The following ZFHX3 variants were observed in gnomAD, a reference collection of about 807,000 sequenced individuals.
ZFHX3 encodes the protein zinc finger homeobox protein 3.
In ZFHX3, 42 loss-of-function variants were observed where a neutral mutation model predicts 279.1. That is an observed-to-expected ratio of 0.15 (90% CI 0.12 to 0.19). ZFHX3 has a LOEUF of 0.19. Among genes scored for constraint, ZFHX3 ranks in the 10% least tolerant of loss-of-function variants. The pLI is 1.00. For synonymous variants in ZFHX3, 2,293 were observed against 1,957.8 expected, an observed-to-expected ratio of 1.17 and a Z score of -4.52; for missense variants, 4,981 against 4,754.0, an observed-to-expected ratio of 1.05 and a Z score of -1.40.
At chr16:73,119,400 C>T (rs12149399) in intron 7 of ZFHX3, among the ~76,000 whole-genome samples, 67,365 of 151,642 alleles carry the variant, frequency 0.44, 16,557 homozygotes, top group Middle Eastern at 0.59. Flanking sequence ...AGTCACCACA[C>T]TCAGCCCGGA....
At chr16:72,915,997 T>C (rs1007260708) in intron 3 of ZFHX3, among the ~76,000 whole-genome samples, 2 of 152,222 alleles carry the variant, frequency 1.3e-5, no homozygotes, top group African/African-American at 4.8e-5. Context: ...TAAAATAGCA[T>C]TGAAGAGAGG....
intron 1 of ZFHX3, among the ~76,000 whole-genome samples, chr16:73,797,801 T>C (rs1199534634): frequency 6.8e-6 from 1 of 146,786 alleles, no homozygotes; most frequent in Non-Finnish European, 1.5e-5. Context: ...ACAAGCCTTC[T>C]GAAGACTTTT....
At chr16:73,235,576 A>C (rs956470371) in intron 5 of ZFHX3, among the ~76,000 whole-genome samples, 10 of 152,172 alleles carry the variant, frequency 6.6e-5, no homozygotes, top group African/African-American at 2.4e-4. Context: ...GGCTCTGGTC[A>C]CCTGATGTAT....
chr16:73,480,135 C>T (rs1191482525), intron 2 of ZFHX3, among the ~76,000 whole-genome samples: 2 of 151,860 alleles, frequency 1.3e-5, no homozygotes, highest in East Asian at 3.9e-4. Context: ...CAGATTAAAT[C>T]GTCCTGGCTT....
chr16:73,078,539 C>G (rs908431386), intron 8 of ZFHX3, among the ~76,000 whole-genome samples: 1 of 152,198 alleles, frequency 6.6e-6, no homozygotes, highest in Non-Finnish European at 1.5e-5. Flanking sequence ...GTTCCTTTAT[C>G]CTTTTTCTTT....
intron 4 of ZFHX3, among the ~76,000 whole-genome samples, chr16:72,856,401 T>G (rs1011422940): frequency 6.6e-5 from 10 of 152,232 alleles, no homozygotes; most frequent in African/African-American, 2.4e-4. Flanking sequence ...TGTTCCCAAG[T>G]GAAGAGCTGC....
chr16:72,815,899 ATC>A (rs2036590800), intron 5 of ZFHX3, among the ~76,000 whole-genome samples: 1 of 152,230 alleles, frequency 6.6e-6, no homozygotes, highest in Non-Finnish European at 1.5e-5. Context: ...TTTGGAAACA[ATC>A]TAGATATCTT....
chr16:73,167,433 T>C (rs754776925), intron 5 of ZFHX3, among the ~76,000 whole-genome samples: 1 of 152,236 alleles, frequency 6.6e-6, no homozygotes. Flanking sequence ...AGTTAATATG[T>C]GCGATTGAGT....
At chr16:73,338,169 C>T (rs977185297) in intron 3 of ZFHX3, among the ~76,000 whole-genome samples, 1 of 152,170 alleles carries the variant, frequency 6.6e-6, no homozygotes, top group African/African-American at 2.4e-5. Flanking sequence ...CCTGACCTCA[C>T]TTTAAATGTA....
rs111328731 is a variant in ZFHX3 at position 73,878,928 on chromosome 16, CAA to C, written c.-1608+12721_-1608+12722del. On this transcript the variant is annotated intron_variant, in intron 1 of 17. Coordinates refer to the ZFHX3 transcript ENST00000641206. Reference sequence around the variant, plus strand: ...ATCCAGTCCTACATCCTTCACTGTTCAAAAAAGATAAGATATATATATATATA... The same window carrying C: ...ATCCAGTCCTACATCCTTCACTGTTCAAAAGATAAGATATATATATATATA... Among the ~76,000 whole-genome samples the C allele has an allele frequency of 6.9e-3, 890 of 128,120 alleles. 12 individuals are homozygous for C. Among genetic ancestry groups the C allele is most frequent in the African/African-American group, 0.027 (830 of 30,410 alleles). 84.1% of individuals were successfully genotyped at this position (128,120 alleles called of 152,430 possible). A position where few individuals can be genotyped will look rare whatever the true frequency, so the allele number is the denominator to read the frequency against.
At chr16:73,558,781 C>T (rs1321079068) in intron 2 of ZFHX3, among the ~76,000 whole-genome samples, 3 of 138,326 alleles carry the variant, frequency 2.2e-5, no homozygotes, top group African/African-American at 2.7e-5. Context: ...GGCACCATGT[C>T]GGCTCACTAC....
chr16:73,048,822 A>T (rs571023009), upstream of ZFHX3, among the ~76,000 whole-genome samples: 5 of 152,348 alleles, frequency 3.3e-5, no homozygotes, highest in African/African-American at 1.2e-4. Context: ...TTGAGAGTTT[A>T]AGGATAGTTT....
intron 3 of ZFHX3, among the ~76,000 whole-genome samples, chr16:73,334,936 C>G (rs1420799416): frequency 6.8e-6 from 1 of 146,470 alleles, no homozygotes; most frequent in Non-Finnish European, 1.5e-5. Context: ...CTGCTTTGCA[C>G]AAAGGGGGAA....
intron 1 of ZFHX3, among the ~76,000 whole-genome samples, chr16:73,682,929 A>AGG (rs2053034629): frequency 7.3e-5 from 1 of 13,682 alleles, no homozygotes; most frequent in Non-Finnish European, 1.9e-4. Flanking sequence ...AGAAAGAGAA[A>AGG]GAAAGAAAGA....
At chr16:73,267,303 G>A (rs1334761789) in intron 4 of ZFHX3, among the ~76,000 whole-genome samples, 1 of 152,056 alleles carries the variant, frequency 6.6e-6, no homozygotes, top group African/African-American at 2.4e-5. Context: ...TGGGGCACAG[G>A]GTCTTGGGGG....
intron 3 of ZFHX3, among the ~76,000 whole-genome samples, chr16:73,404,957 C>G (rs2017329897): frequency 6.6e-6 from 1 of 152,180 alleles, no homozygotes; most frequent in African/African-American, 2.4e-5. Flanking sequence ...TTGTTGTTCC[C>G]ACGGAGTCAC....
chr16:73,123,552 G>A (rs1299933274), intron 7 of ZFHX3: 1 of 151,560 alleles, frequency 6.6e-6, no homozygotes, highest in Non-Finnish European at 1.5e-5. Context: ...ACAAGTTCAG[G>A]TGAACTCAAC....
chr16:73,537,727 G>A (rs1001202967), intron 2 of ZFHX3, among the ~76,000 whole-genome samples: 1 of 152,176 alleles, frequency 6.6e-6, no homozygotes, highest in African/African-American at 2.4e-5. Flanking sequence ...CACACCTGAA[G>A]CAGTTCATTC....
chr16:73,770,730 C>A (rs2054008426), intron 1 of ZFHX3, among the ~76,000 whole-genome samples: 1 of 152,190 alleles, frequency 6.6e-6, no homozygotes, highest in East Asian at 1.9e-4. Context: ...AATGAATTGT[C>A]TTCTGCACCC....
Sources: allele counts gnomAD v4.1 joint callset (sites outside exome capture counted in the v4.1 genomes callset), GRCh38; gene constraint gnomAD v4.1.1; transcripts MANE v1.5; gene names NCBI Gene and HGNC (gene_info 2026-07-23, HGNC 2026-07-21).